Variants in SPPL3 observed in about 807,000 individuals in gnomAD.
SPPL3 encodes the protein signal peptide peptidase-like 3.
Under a neutral mutation model 42.4 loss-of-function variants are expected in SPPL3, and 5 were observed. That is an observed-to-expected ratio of 0.12 (90% CI 0.06 to 0.25). The LOEUF is 0.25. Ranked by LOEUF, SPPL3 falls within the 10% of genes least tolerant of loss-of-function variation. The probability of loss-of-function intolerance (pLI) is 1.00; values close to 1 mark genes in which losing one functional copy is unlikely to be tolerated. For synonymous variants in SPPL3, 195 were observed against 181.8 expected, an observed-to-expected ratio of 1.07 and a Z score of -0.58; for missense variants, 235 against 489.0, an observed-to-expected ratio of 0.48 and a Z score of 4.90.
intron 1 of SPPL3, among the ~76,000 whole-genome samples, chr12:120,829,333 C>T (rs1396182553): frequency 6.6e-6 from 1 of 152,132 alleles, no homozygotes; most frequent in South Asian, 2.1e-4. Context: ...CGGTAGCTCA[C>T]GCCTGTAATC....
chr12:120,868,482 G>A (rs564460167), intron 1 of SPPL3, among the ~76,000 whole-genome samples: 2 of 151,608 alleles, frequency 1.3e-5, no homozygotes, highest in East Asian at 3.9e-4. Context: ...TTTTGTTTTT[G>A]TTTTATTTGT....
intron 1 of SPPL3, among the ~76,000 whole-genome samples, chr12:120,856,387 C>G (rs1048632606): frequency 1.3e-5 from 2 of 151,504 alleles, no homozygotes; most frequent in Non-Finnish European, 2.9e-5. Context: ...AGCAGCGCAG[C>G]AAGCCTAGAG....
intron 1 of SPPL3, among the ~76,000 whole-genome samples, chr12:120,836,450 A>C (rs1476037369): frequency 6.6e-6 from 1 of 152,094 alleles, no homozygotes; most frequent in East Asian, 1.9e-4. Flanking sequence ...CCTCAACAAA[A>C]AGCCAGTACC....
At chr12:120,851,640 G>A (rs1872227772) in intron 1 of SPPL3, among the ~76,000 whole-genome samples, 1 of 152,024 alleles carries the variant, frequency 6.6e-6, no homozygotes, top group Non-Finnish European at 1.5e-5. Context: ...GTTTCACTCT[G>A]TCACCCAGGC....
intron 6 of SPPL3, among the ~76,000 whole-genome samples, chr12:120,778,991 C>A (rs527252548): frequency 6.6e-6 from 1 of 151,836 alleles, no homozygotes; most frequent in Non-Finnish European, 1.5e-5. Context: ...AAAAAAAAAT[C>A]CAAACAATTA....
chr12:120,879,275 G>A (rs769287257), intron 1 of SPPL3, among the ~76,000 whole-genome samples: 4 of 152,054 alleles, frequency 2.6e-5, no homozygotes, highest in Non-Finnish European at 4.4e-5. Context: ...AGACTTTGAA[G>A]TATAAACTGA....
At chr12:120,808,303 T>C (rs1870571574) in intron 2 of SPPL3, among the ~76,000 whole-genome samples, 1 of 152,126 alleles carries the variant, frequency 6.6e-6, no homozygotes, top group Admixed American at 6.5e-5. Flanking sequence ...CTTGAACTCC[T>C]GGGCTCAGGG....
At chr12:120,806,328 G>A (rs142410800) in intron 2 of SPPL3, among the ~76,000 whole-genome samples, 9 of 151,680 alleles carry the variant, frequency 5.9e-5, no homozygotes, top group South Asian at 2.1e-4. Context: ...CTCGCGAGTC[G>A]CTGGGATTAC....
At chr12:120,845,858 T>TTATCTATC (rs60954976) in intron 1 of SPPL3, among the ~76,000 whole-genome samples, 3,996 of 147,374 alleles carry the variant, frequency 0.027, 68 homozygotes, top group East Asian at 0.06. Flanking sequence ...TTAGAATCCA[T>TTATCTATC]TATCTATCTA....
chr12:120,874,218 C>T (rs1044838181), intron 1 of SPPL3, among the ~76,000 whole-genome samples: 2 of 151,844 alleles, frequency 1.3e-5, no homozygotes, highest in African/African-American at 2.4e-5. Context: ...TTAGGAAGAC[C>T]GAGGAAGGCG....
At chr12:120,773,166 C>T (rs2136970276) in intron 6 of SPPL3, among the ~76,000 whole-genome samples, 1 of 152,318 alleles carries the variant, frequency 6.6e-6, no homozygotes, top group African/African-American at 2.4e-5. Context: ...CTCTGATCAA[C>T]TCACACGCAT....
At chr12:120,782,496 G>A (rs1392204061) in intron 6 of SPPL3, among the ~76,000 whole-genome samples, 159 bp downstream of exon 6, 1 of 152,214 alleles carries the variant, frequency 6.6e-6, no homozygotes, top group African/African-American at 2.4e-5. Context: ...CTGGGGAGGT[G>A]GGTAAGGGGA....
intron 1 of SPPL3, among the ~76,000 whole-genome samples, chr12:120,846,098 T>C (rs918966931): frequency 6.6e-6 from 1 of 152,156 alleles, no homozygotes; most frequent in Non-Finnish European, 1.5e-5. Flanking sequence ...GATTTTGCTA[T>C]GTTGGCCAGG....
At chr12:120,796,841 C>T (rs1870114408) in intron 2 of SPPL3, among the ~76,000 whole-genome samples, 2 of 152,140 alleles carry the variant, frequency 1.3e-5, no homozygotes, top group Admixed American at 1.3e-4. Flanking sequence ...TTCTTTCCTC[C>T]ACTTTAGATG....
Position 120,762,822 on chromosome 12 carries a change from A to C in SPPL3, c.*2177T>G, listed in dbSNP as rs1331201439. 6.6e-6 allele frequency: 1 copy of C among 152,096 alleles called. No individual in the cohort carries two copies. The highest frequency in any genetic ancestry group is 1.5e-5 in the Non-Finnish European group (1 of 68,064). 9.4% of individuals were successfully genotyped at this position (152,096 alleles called of 1,614,324 possible). On this transcript the variant is annotated 3_prime_UTR_variant, in exon 11 of 11. Coordinates refer to ENST00000353487, the MANE Select transcript of SPPL3 (RefSeq NM_139015.5). ...TTGGCCAGGCTGGTCTCGAGCTCCC[A>C]ACCTTGTGATCCACCTGCCTCGGCC...
chr12:120,858,130 A>C (rs1872518079), intron 1 of SPPL3, among the ~76,000 whole-genome samples: 2 of 152,226 alleles, frequency 1.3e-5, no homozygotes, highest in Non-Finnish European at 2.9e-5. Flanking sequence ...CATGCCTTTA[A>C]AACAGGTAAA....
At chr12:120,768,299 G>A (rs1342583935) in intron 8 of SPPL3, 26 bp downstream of exon 8, 1 of 1,599,604 alleles carries the variant, frequency 6.3e-7, no homozygotes, top group Non-Finnish European at 8.5e-7. Flanking sequence ...AAGACAGTGT[G>A]GTCCTGTCAT....
chr12:120,828,430 A>G (rs1871294462), intron 1 of SPPL3, among the ~76,000 whole-genome samples: 1 of 152,188 alleles, frequency 6.6e-6, no homozygotes, highest in Non-Finnish European at 1.5e-5. Context: ...AAAAAAGAGC[A>G]AATTAAACTC....
intron 1 of SPPL3, among the ~76,000 whole-genome samples, chr12:120,884,329 A>C (rs1198563339): frequency 6.6e-6 from 1 of 152,098 alleles, no homozygotes; most frequent in Non-Finnish European, 1.5e-5. Flanking sequence ...CAAATCATAT[A>C]TTCTTCTGTA....
Sources: gnomAD v4.1 joint callset for allele counts (sites outside exome capture counted in the v4.1 genomes callset) on GRCh38, gnomAD v4.1.1 for gene constraint, MANE v1.5 for transcripts, NCBI Gene and HGNC (gene_info 2026-07-23, HGNC 2026-07-21) for gene names.